CNOT2: variants seen among roughly 807,000 people sequenced by gnomAD.
The protein encoded by CNOT2 is CCR4-NOT transcription complex subunit 2, also known as CC chemokine receptor 4-negative regulator of transcription 2.
In CNOT2, 7 loss-of-function variants were observed where a neutral mutation model predicts 72.1. The ratio of observed to expected loss-of-function variants is 0.10; its 90% CI spans 0.06 to 0.18. The LOEUF (loss-of-function observed/expected upper bound fraction) is 0.18. CNOT2 is among the 10% of genes least tolerant of loss of function. The pLI is 1.00. For synonymous variants in CNOT2, 196 were observed against 225.6 expected (o/e 0.87, Z 1.17); for missense variants, 345 against 660.3 (o/e 0.52, Z 5.23).
chr12:70,302,273 G>A (rs536635630), intron 2 of CNOT2, among the ~76,000 whole-genome samples: 1 of 151,854 alleles, frequency 6.6e-6, no homozygotes, highest in African/African-American at 2.4e-5. Flanking sequence ...GAATGTGTTT[G>A]CTCTTGCTTC....
intron 2 of CNOT2, chr12:70,294,118 T>C: frequency 1.6e-6 from 2 of 1,288,888 alleles, no homozygotes; most frequent in Non-Finnish European, 2.0e-6. Flanking sequence ...ACTTTCTTAC[T>C]GTTTGCTGGA....
intron 4 of CNOT2, among the ~76,000 whole-genome samples, chr12:70,320,771 G>A (rs1414631174): frequency 6.6e-6 from 1 of 151,710 alleles, no homozygotes; most frequent in Admixed American, 6.6e-5. Flanking sequence ...GCAGAAAGTA[G>A]ATATGGATTG....
intron 4 of CNOT2, among the ~76,000 whole-genome samples, chr12:70,328,837 T>G (rs930340732): frequency 6.6e-6 from 1 of 151,874 alleles, no homozygotes; most frequent in African/African-American, 2.4e-5. Flanking sequence ...AATTTTGTCT[T>G]TTATAGCTAT....
intron 9 of CNOT2, chr12:70,337,794 C>G (rs2136051272): frequency 2.1e-6 from 1 of 487,140 alleles, no homozygotes; most frequent in Admixed American, 2.3e-5. Context: ...GATAATATAG[C>G]CTTCTAAGGA....
At chr12:70,319,028 G>C (rs940429) in intron 3 of CNOT2, 4 of 263,454 alleles carry the variant, frequency 1.5e-5, no homozygotes, top group Non-Finnish European at 2.9e-5. Flanking sequence ...CTAAGTGAAA[G>C]AGTAGTGCTG....
intron 1 of CNOT2, among the ~76,000 whole-genome samples, chr12:70,248,987 A>G (rs1958016487): frequency 6.6e-6 from 1 of 152,122 alleles, no homozygotes; most frequent in East Asian, 1.9e-4. Context: ...TTTAGGTAAC[A>G]GTGAGTAGAC....
intron 1 of CNOT2, among the ~76,000 whole-genome samples, chr12:70,264,853 T>G (rs527597124): frequency 6.6e-5 from 10 of 152,308 alleles, no homozygotes; most frequent in African/African-American, 2.4e-4. Flanking sequence ...ATAAAATAGT[T>G]TTTCGTTTGC....
chr12:70,281,084 C>CT (rs200263074), intron 2 of CNOT2, among the ~76,000 whole-genome samples: 4,485 of 140,896 alleles, frequency 0.032, 103 homozygotes, highest in African/African-American at 0.061. Flanking sequence ...ATGGCTTTCC[C>CT]TTTTTTTTTT....
intron 15 of CNOT2, among the ~76,000 whole-genome samples, chr12:70,351,080 T>C (rs1265678141): frequency 6.6e-6 from 1 of 152,248 alleles, no homozygotes; most frequent in African/African-American, 2.4e-5. Flanking sequence ...TGGAACTCTT[T>C]CTAGCCTTTG....
intron 1 of CNOT2, among the ~76,000 whole-genome samples, chr12:70,254,896 G>T (rs12816117): frequency 0.12 from 17,933 of 150,830 alleles, 1,420 homozygotes; most frequent in Non-Finnish European, 0.18. Flanking sequence ...CAGGAGAATC[G>T]CTTGAACCTG....
chr12:70,345,480 A>G (rs1244174541), intron 14 of CNOT2: 1 of 152,138 alleles, frequency 6.6e-6, no homozygotes, highest in Non-Finnish European at 1.5e-5. Flanking sequence ...TTTATGTCTT[A>G]AAAACTACCT....
At chr12:70,269,545 A>C (rs377501906) in intron 1 of CNOT2, among the ~76,000 whole-genome samples, 11 of 152,320 alleles carry the variant, frequency 7.2e-5, no homozygotes, top group African/African-American at 2.4e-4. Context: ...TAACATGCAT[A>C]TCAACACGAA....
In CNOT2 at chr12:70,287,725, G is replaced by A. The variant is rs535835180; in HGVS notation, c.48+9451G>A. 2.7e-5 allele frequency among the ~76,000 whole-genome samples: 4 copies of A among 149,784 alleles called. 1 individual carries two copies. In the Admixed American group the frequency reaches 2.7e-4, roughly 10 times the overall value. ...CTTTAATTATTTTATAAATTTTTGT[G>A]TTTAGCCTGTGATAAATCCAACAAT... On this transcript the variant is annotated intron_variant, in intron 2 of 15. Coordinates refer to ENST00000229195, the MANE Select transcript of CNOT2 (RefSeq NM_014515.7).
intron 2 of CNOT2, chr12:70,297,714 G>T: frequency 6.1e-6 from 2 of 328,732 alleles, no homozygotes; most frequent in Non-Finnish European, 5.9e-6. Context: ...CTACTTATCT[G>T]AAGCCCTCCT....
chr12:70,348,227 G>A (rs1213606339), intron 15 of CNOT2, among the ~76,000 whole-genome samples: 1 of 152,168 alleles, frequency 6.6e-6, no homozygotes, highest in East Asian at 1.9e-4. Context: ...TTGCAAGGAT[G>A]AAAAAATTAG....
intron 2 of CNOT2, 40 bp from the exon 3 acceptor site, chr12:70,310,855 C>G: frequency 6.3e-7 from 1 of 1,587,846 alleles, no homozygotes; most frequent in Non-Finnish European, 8.6e-7. Context: ...TGAACATTTT[C>G]CAAAGTATTA....
chr12:70,273,055 A>G (rs1221085508), intron 1 of CNOT2, among the ~76,000 whole-genome samples: 1 of 152,106 alleles, frequency 6.6e-6, no homozygotes. Flanking sequence ...ATCTTGTATC[A>G]TCAGCATTTC....
chr12:70,261,371 G>GT (rs1302881272), intron 1 of CNOT2, among the ~76,000 whole-genome samples: 11 of 125,342 alleles, frequency 8.8e-5, no homozygotes, highest in African/African-American at 3.4e-4. Flanking sequence ...CTGGAGTGCA[G>GT]TGGCATGATC....
intron 2 of CNOT2, chr12:70,294,372 A>T: frequency 6.7e-6 from 6 of 898,376 alleles, no homozygotes; most frequent in Non-Finnish European, 9.4e-6. Flanking sequence ...GGGCCATTTT[A>T]TCAATGAGTC....
Sources: gnomAD v4.1 joint callset for allele counts (sites outside exome capture counted in the v4.1 genomes callset) on GRCh38, gnomAD v4.1.1 for gene constraint, MANE v1.5 for transcripts, NCBI Gene and HGNC (gene_info 2026-07-23, HGNC 2026-07-21) for gene names.